RALGAPA2: variants seen among roughly 807,000 people sequenced by gnomAD.
RALGAPA2 encodes ral GTPase-activating protein subunit alpha-2.
In RALGAPA2, 139 loss-of-function variants were observed where a neutral mutation model predicts 230.4. The ratio of observed to expected loss-of-function variants is 0.60; its 90% CI spans 0.53 to 0.69. The LOEUF (loss-of-function observed/expected upper bound fraction) is 0.69. RALGAPA2 is among the 30% of genes least tolerant of loss of function. The pLI is 0.00. For missense variants in RALGAPA2, 2,163 were observed against 2,276.0 expected (o/e 0.95, Z 1.01); for synonymous variants, 847 against 837.8 (o/e 1.01, Z -0.19).
chr20:20,449,752 A>G (rs1395028606), intron 37 of RALGAPA2, among the ~76,000 whole-genome samples: 2 of 152,216 alleles, frequency 1.3e-5, no homozygotes, highest in African/African-American at 2.4e-5. Flanking sequence ...TCATTTTGAT[A>G]TTAAAAATTT....
chr20:20,558,295 C>A lies in RALGAPA2; in HGVS notation c.3157-11463G>T, dbSNP rs6046935. Among the ~76,000 whole-genome samples the A allele has an allele frequency of 3.5e-3, 530 of 152,310 alleles. 5 individuals carry two copies. Among genetic ancestry groups the A allele is most frequent in the African/African-American group, 0.012 (500 of 41,572 alleles). On this transcript the variant is annotated intron_variant, in intron 23 of 39. Transcript: ENST00000202677. Reference sequence around the variant, plus strand: ...TGCTGGGATTACAGGGAAAAGGCACCGCGCCCAGCCTGCACAGCACTATTT... The same window carrying A: ...TGCTGGGATTACAGGGAAAAGGCACAGCGCCCAGCCTGCACAGCACTATTT...
intron 38 of RALGAPA2, among the ~76,000 whole-genome samples, chr20:20,409,119 A>G (rs1403117164): frequency 2.6e-5 from 4 of 152,206 alleles, no homozygotes; most frequent in African/African-American, 4.8e-5. Context: ...CCACCCCCGC[A>G]GGGCTTGTTG....
At chr20:20,547,082 A>T (rs1224135481) in intron 23 of RALGAPA2, among the ~76,000 whole-genome samples, 1 of 152,176 alleles carries the variant, frequency 6.6e-6, no homozygotes, top group Non-Finnish European at 1.5e-5. Flanking sequence ...CTGAGACTAG[A>T]CATTTCATCT....
At chr20:20,613,971 T>C (rs934052804) in intron 13 of RALGAPA2, among the ~76,000 whole-genome samples, 6 of 152,214 alleles carry the variant, frequency 3.9e-5, no homozygotes, top group African/African-American at 1.4e-4. Context: ...CTCAGTCCTA[T>C]GAGGATGTAA....
intron 5 of RALGAPA2, among the ~76,000 whole-genome samples, chr20:20,642,889 A>G (rs894939567): frequency 6.6e-6 from 1 of 152,226 alleles, no homozygotes; most frequent in African/African-American, 2.4e-5. Context: ...ATTACCTTTC[A>G]TAAAATATTC....
intron 10 of RALGAPA2, among the ~76,000 whole-genome samples, chr20:20,626,767 G>T (rs185202768): frequency 3.4e-4 from 52 of 152,320 alleles, no homozygotes; most frequent in African/African-American, 1.2e-3. Context: ...CATCCAGCCT[G>T]CTGCCTATTT....
intron 36 of RALGAPA2, among the ~76,000 whole-genome samples, chr20:20,494,797 A>C (rs6082021): frequency 0.084 from 12,842 of 152,256 alleles, 785 homozygotes; most frequent in African/African-American, 0.16. Flanking sequence ...AATCAACATA[A>C]CCAAAATTTC....
At chr20:20,435,548 G>C (rs1347433374) in intron 37 of RALGAPA2, among the ~76,000 whole-genome samples, 1 of 152,236 alleles carries the variant, frequency 6.6e-6, no homozygotes, top group Admixed American at 6.5e-5. Context: ...AAGGAGAAGA[G>C]TAGGGAACAG....
chr20:20,690,000 T>C (rs1415484635), intron 1 of RALGAPA2, among the ~76,000 whole-genome samples: 1 of 152,042 alleles, frequency 6.6e-6, no homozygotes, highest in Non-Finnish European at 1.5e-5. Flanking sequence ...ACCCCCCTCA[T>C]CTCTGTCATA....
At chr20:20,673,454 G>C (rs185045919) in intron 3 of RALGAPA2, among the ~76,000 whole-genome samples, 8 of 151,342 alleles carry the variant, frequency 5.3e-5, no homozygotes. Flanking sequence ...AAAACTGAAG[G>C]GATTATGACT....
At chr20:20,593,249 C>A (rs2065348856) in intron 16 of RALGAPA2, among the ~76,000 whole-genome samples, 1 of 152,226 alleles carries the variant, frequency 6.6e-6, no homozygotes, top group African/African-American at 2.4e-5. Context: ...GGAGTACAAG[C>A]AAAGATAGGC....
At chr20:20,615,633 T>C (rs1603071742) in intron 13 of RALGAPA2, among the ~76,000 whole-genome samples, 1 of 152,222 alleles carries the variant, frequency 6.6e-6, no homozygotes, top group African/African-American at 2.4e-5. Flanking sequence ...TAATTTATCA[T>C]TTAAAATAAT....
rs749443973 is a variant in RALGAPA2, at chr20:20,571,604, G to A, written c.3010C>T (p.Leu1004=). The change falls in exon 23 of 40, where the codon CTG becomes TTG. Residue 1004 remains leucine, a synonymous_variant. Coordinates refer to ENST00000202677, the MANE Select transcript of RALGAPA2 (RefSeq NM_020343.4). ...FASWLFKAAT[L]PNEYKEGKLQ... is the part of the protein sequence containing the mutation. ...TTGCCTTCCTTATATTCATTTGGCA[G>A]TGTCGCCGCCTGTCAAGGAGATGAT... The A allele has an allele frequency of 6.2e-7, 1 of 1,609,838 alleles. No homozygotes were observed. Among genetic ancestry groups the A allele is most frequent in the South Asian group, 1.1e-5 (1 of 90,202 alleles).
intron 28 of RALGAPA2, 68 bp from the exon 29 acceptor site, chr20:20,524,966 G>C: frequency 7.1e-7 from 1 of 1,409,450 alleles, no homozygotes; most frequent in Non-Finnish European, 9.7e-7. Context: ...TATGTTAGGA[G>C]TCCCACGATG....
At chr20:20,492,943 A>G (rs1454938488) in intron 36 of RALGAPA2, among the ~76,000 whole-genome samples, 1 of 152,252 alleles carries the variant, frequency 6.6e-6, no homozygotes, top group East Asian at 1.9e-4. Context: ...ATATAACAAA[A>G]GTAACAGCTA....
intron 18 of RALGAPA2, among the ~76,000 whole-genome samples, chr20:20,588,832 TTATA>T (rs1230948948): frequency 6.6e-6 from 1 of 152,066 alleles, no homozygotes; most frequent in African/African-American, 2.4e-5. Flanking sequence ...TCTTTATACT[TTATA>T]TATATTTAAA....
intron 39 of RALGAPA2, among the ~76,000 whole-genome samples, chr20:20,394,469 C>G (rs1314886124): frequency 1.3e-5 from 2 of 152,178 alleles, no homozygotes; most frequent in Admixed American, 6.5e-5. Context: ...GAAACCCCGT[C>G]TCTACAAAAA....
In RALGAPA2 at chr20:20,512,938, T is replaced by A. The variant is rs1257449197; in HGVS notation, c.4431A>T (p.Leu1477Phe). ...SGKYSWDGKV[L>F]YGPLEGCLAP... ...CTAAGCAGCCTTCCAAAGGTCCATA[T>A]AAAACCTTACCATCCCAAGAGTACT... The change falls in exon 32 of 40, where the codon TTA (leucine) becomes TTT (phenylalanine). Residue 1477 changes from leucine (L) to phenylalanine (F), a missense_variant. Coordinates refer to ENST00000202677, the MANE Select transcript of RALGAPA2 (RefSeq NM_020343.4). 6.2e-7 allele frequency: 1 copy of A among 1,613,628 alleles called. No homozygotes were observed. Among genetic ancestry groups the A allele is most frequent in the Non-Finnish European group, 8.5e-7 (1 of 1,179,694 alleles).
Position 20,524,396 on chromosome 20 carries a change from G to A in RALGAPA2, c.3900+10C>T. ...ACACTCCATTCCCCCAGGCCCAGGT[G>A]TAGACTCACCCTGTAGATATAATCC... On this transcript the variant is annotated intron_variant, in intron 30 of 39. Transcript: ENST00000202677. 6.2e-7 allele frequency: 1 copy of A among 1,613,628 alleles called. No homozygotes were observed. Among genetic ancestry groups the A allele is most frequent in the Non-Finnish European group, 8.5e-7 (1 of 1,179,688 alleles).
Sources: gnomAD v4.1 joint callset for allele counts (sites outside exome capture counted in the v4.1 genomes callset) on GRCh38, gnomAD v4.1.1 for gene constraint, MANE v1.5 for transcripts, NCBI Gene and HGNC (gene_info 2026-07-23, HGNC 2026-07-21) for gene names.